The following SOX13 variants were observed in gnomAD, a reference collection of about 807,000 sequenced individuals.
The protein encoded by SOX13 is transcription factor SOX-13.
Under a neutral mutation model 71.8 loss-of-function variants are expected in SOX13, and 28 were observed. The observed-to-expected ratio is 0.39, with a 90% CI of 0.29 to 0.53. The LOEUF (loss-of-function observed/expected upper bound fraction) is 0.53, where lower values mean the gene tolerates loss of function less well. Among genes scored for constraint, SOX13 ranks in the 20% least tolerant of loss-of-function variants. SOX13 has a pLI of 0.70. For synonymous variants in SOX13, 309 were observed against 317.8 expected, an observed-to-expected ratio of 0.97 and a Z score of 0.29; for missense variants, 627 against 810.3, an observed-to-expected ratio of 0.77 and a Z score of 2.75.
chr1:204,094,937 G>A (rs965022222), intron 1 of SOX13, among the ~76,000 whole-genome samples: 1 of 152,146 alleles, frequency 6.6e-6, no homozygotes, highest in African/African-American at 2.4e-5. Flanking sequence ...TCAAATGGAT[G>A]AGTCCCTGCA....
At chr1:204,098,112 C>G (rs986003556) in intron 1 of SOX13, among the ~76,000 whole-genome samples, 1 of 152,198 alleles carries the variant, frequency 6.6e-6, no homozygotes, top group Non-Finnish European at 1.5e-5. Flanking sequence ...CCACCCACCT[C>G]GACCTTCCAA....
intron 1 of SOX13, among the ~76,000 whole-genome samples, chr1:204,105,469 A>G (rs1405763898): frequency 4.7e-5 from 7 of 148,080 alleles, no homozygotes; most frequent in African/African-American, 1.6e-4. Context: ...GCAGCAGTGC[A>G]ATCTTGGCTC....
intron 7 of SOX13, among the ~76,000 whole-genome samples, chr1:204,120,287 G>A (rs1393074582): frequency 1.3e-5 from 2 of 152,206 alleles, no homozygotes; most frequent in Non-Finnish European, 2.9e-5. Flanking sequence ...AACTCCCCAT[G>A]AGTGTGGAGG....
At chr1:204,078,365 A>G (rs183529493) in intron 1 of SOX13, among the ~76,000 whole-genome samples, 214 of 152,310 alleles carry the variant, frequency 1.4e-3, no homozygotes, top group Admixed American at 5.2e-3. Context: ...GTAAGTCTCC[A>G]GGAAGCTGAC....
chr1:204,076,587 A>G (rs1414100440), intron 1 of SOX13, among the ~76,000 whole-genome samples: 1 of 152,232 alleles, frequency 6.6e-6, no homozygotes, highest in Non-Finnish European at 1.5e-5. Context: ...CTGCAAATGC[A>G]TAGCACAGGT....
rs1655905918 is a variant in SOX13 at position 204,081,499 on chromosome 1, T to C, written c.-2+7788T>C. The stretch of plus-strand genomic sequence containing the variant: ...ATGCCCTTTCACGATGACAACTGAG[T>C]GGGCCCCACGGACCCCCTGGCGGGC... On this transcript the variant is annotated intron_variant, in intron 1 of 13. Coordinates refer to ENST00000367204, the MANE Select transcript of SOX13 (RefSeq NM_005686.3). This position sits in a 1 kb window ranked among gnomAD's most constrained non-coding sequence, Gnocchi z 4.3. Among the ~76,000 whole-genome samples the C allele has an allele frequency of 6.6e-6, 1 of 151,920 alleles. No homozygotes were observed. Among genetic ancestry groups the C allele is most frequent in the South Asian group, 2.1e-4 (1 of 4,814 alleles).
chr1:204,107,862 T>C (rs1656502519), intron 1 of SOX13, among the ~76,000 whole-genome samples: 2 of 152,220 alleles, frequency 1.3e-5, no homozygotes, highest in Non-Finnish European at 2.9e-5. Flanking sequence ...GGCCCTTGTC[T>C]GGGCAGGGTT....
rs1294559921 is a variant in SOX13 at position 204,116,653 on chromosome 1, G to A, written c.565G>A (p.Glu189Lys). The part of the protein sequence containing the change: ...MLFEKQQQQM[E>K]LARQQQEQIA... ...GTTTGAGAAGCAGCAGCAGCAGATG[G>A]AGCTTGCCCGGCAGCAGCAGGAGCA... is the stretch of plus-strand genomic sequence containing the variant. Residue 189 changes from glutamate (E) to lysine (K), a missense_variant, in exon 5 of 14, where the codon GAG becomes AAG. Physicochemically the swap from Glu to Lys is moderately conservative, Grantham distance 56. Around this residue, in one of 3 missense-constraint regions of SOX13, gnomAD observed 447 missense variants for 532.2 expected, o/e 0.84. Transcript: ENST00000367204. 6.2e-7 allele frequency: 1 copy of A among 1,613,626 alleles called. No homozygotes were observed. The highest frequency in any genetic ancestry group is 1.1e-5 in the South Asian group (1 of 91,060).
chr1:204,085,869 ACT>A (rs1326126988), intron 1 of SOX13, among the ~76,000 whole-genome samples: 1 of 151,222 alleles, frequency 6.6e-6, no homozygotes, highest in East Asian at 1.9e-4. Flanking sequence ...AGTCCCAGCT[ACT>A]CGGGAGGCTG....
chr1:204,116,535 G>A lies in SOX13; in HGVS notation c.447G>A (p.Glu149=). ...CCCAAGAGAGCCTAGCAGAGAAGGA[G>A]CTCCAGCTTCTGGTCATGATTCACC... The part of the protein sequence containing the change: ...KGTQESLAEK[E]LQLLVMIHQL... Residue 149 remains glutamate (E), a synonymous_variant, in exon 5 of 14, where the codon GAG becomes GAA. Transcript: ENST00000367204. 6.2e-7 allele frequency: 1 copy of A among 1,613,988 alleles called. No homozygotes were observed. Among genetic ancestry groups the A allele is most frequent in the South Asian group, 1.1e-5 (1 of 91,074 alleles).
At chr1:204,115,657 CTTTTTTTT>C (rs771014997) in intron 4 of SOX13, among the ~76,000 whole-genome samples, 2 of 57,382 alleles carry the variant, frequency 3.5e-5, no homozygotes, top group East Asian at 7.0e-4. Context: ...GCTTCTTCTT[CTTTTTTTT>C]TTTTTTTTTT....
At chr1:204,111,549 G>T (rs1052857105) in intron 1 of SOX13, among the ~76,000 whole-genome samples, 1 of 152,222 alleles carries the variant, frequency 6.6e-6, no homozygotes, top group Non-Finnish European at 1.5e-5. Flanking sequence ...GGAACAGCAG[G>T]TGCAGAGTCT....
At chr1:204,087,171 C>G (rs187042107) in intron 1 of SOX13, among the ~76,000 whole-genome samples, 1 of 152,338 alleles carries the variant, frequency 6.6e-6, no homozygotes, top group Non-Finnish European at 1.5e-5. Context: ...ATCTGCCCGC[C>G]TCGGCCTCCC....
At chr1:204,110,299 T>G (rs1385695091) in intron 1 of SOX13, among the ~76,000 whole-genome samples, 1 of 150,816 alleles carries the variant, frequency 6.6e-6, no homozygotes, top group East Asian at 2.0e-4. Context: ...AGCTAATTTT[T>G]GTATTCTTTT....
At chr1:204,112,528 CTT>C (rs1656601802) in intron 1 of SOX13, among the ~76,000 whole-genome samples, 1 of 13,816 alleles carries the variant, frequency 7.2e-5, no homozygotes, top group Non-Finnish European at 4.6e-4. Context: ...CACACACACA[CTT>C]TCTCTCTCTC....
chr1:204,085,620 G>A (rs1247303224), intron 1 of SOX13, among the ~76,000 whole-genome samples: 1 of 151,766 alleles, frequency 6.6e-6, no homozygotes, highest in Admixed American at 6.6e-5. Context: ...TTTTGAGTGA[G>A]GTATGGGAGT....
chr1:204,092,137 T>G (rs1656158899), intron 1 of SOX13, among the ~76,000 whole-genome samples: 1 of 152,094 alleles, frequency 6.6e-6, no homozygotes, highest in African/African-American at 2.4e-5. Context: ...AGCCTTGAGC[T>G]CCTGGGCTCA....
Position 204,123,773 on chromosome 1 carries a change from C to T in SOX13, c.1344C>T (p.Asp448=). The change falls in exon 12 of 14, where the codon GAC becomes GAT. Residue 448 remains aspartate (D), a synonymous_variant. Coordinates refer to ENST00000367204, the MANE Select transcript of SOX13 (RefSeq NM_005686.3). The surrounding 1 kb of genome is among the most constrained non-coding windows in gnomAD (Gnocchi z 5.0). ...ERRKILQAFP[D]MHNSSISKIL... is the part of the protein sequence containing the mutation. ...GGAAGATCCTGCAAGCCTTCCCAGA[C>T]ATGCACAACTCCAGCATCAGCAAGA... 2 of 1,614,212 alleles carry T rather than the reference C, an allele frequency of 1.2e-6. No individual in the cohort carries two copies. Among genetic ancestry groups the T allele is most frequent in the South Asian group, 2.2e-5 (2 of 91,080 alleles).
chr1:204,084,898 C>T (rs1655985486), intron 1 of SOX13, among the ~76,000 whole-genome samples: 1 of 152,166 alleles, frequency 6.6e-6, no homozygotes, highest in Non-Finnish European at 1.5e-5. Context: ...GCCCTGAGGT[C>T]TCTGTGTGTT....
Sources: gnomAD v4.1 joint callset for allele counts (sites outside exome capture counted in the v4.1 genomes callset) on GRCh38, gnomAD v4.1.1 for gene constraint, gnomAD v4.1.1 regional missense constraint, Gnocchi (gnomAD v3.1) non-coding constraint, MANE v1.5 for transcripts, NCBI Gene and HGNC (gene_info 2026-07-23, HGNC 2026-07-21) for gene names.